The following CTNNA3 variants were observed in gnomAD, a reference collection of about 807,000 sequenced individuals.
CTNNA3 encodes the protein catenin alpha 3.
Under a neutral mutation model 95.7 loss-of-function variants are expected in CTNNA3, and 76 were observed. The ratio of observed to expected loss-of-function variants is 0.79; its 90% CI spans 0.66 to 0.96. The LOEUF (loss-of-function observed/expected upper bound fraction) is 0.96, where lower values mean the gene tolerates loss of function less well. Among genes scored for constraint, CTNNA3 ranks in the 40% least tolerant of loss-of-function variants. The pLI is 0.00. For synonymous variants in CTNNA3, 431 were observed against 374.4 expected (o/e 1.15, Z -1.74); for missense variants, 1,191 against 1,089.8 (o/e 1.09, Z -1.31).
At chr10:67,586,530 C>T (rs1406244932) in intron 3 of CTNNA3, among the ~76,000 whole-genome samples, 2 of 152,004 alleles carry the variant, frequency 1.3e-5, no homozygotes, top group Non-Finnish European at 2.9e-5. Flanking sequence ...CTATTCTCTT[C>T]CTGAATTGAT....
At chr10:66,270,003 A>G (rs2091242056) in intron 13 of CTNNA3, among the ~76,000 whole-genome samples, 1 of 152,164 alleles carries the variant, frequency 6.6e-6, no homozygotes, top group Non-Finnish European at 1.5e-5. Context: ...GAACTCTTAA[A>G]ACCATCTTAA....
At chr10:66,826,126 T>C (rs919303447) in intron 7 of CTNNA3, among the ~76,000 whole-genome samples, 1 of 152,220 alleles carries the variant, frequency 6.6e-6, no homozygotes, top group Non-Finnish European at 1.5e-5. Flanking sequence ...GTGTTCAGTA[T>C]GTTTCTTGAT....
rs1329412372 is a variant in CTNNA3 at position 65,982,662 on chromosome 10, G to A, written c.2265+6030C>T. On this transcript the variant is annotated intron_variant, in intron 16 of 17. Transcript: ENST00000433211. ...TATATATACATATATATATATAAATGTGGTATATATGTGTGTGTGTATGTA... is the reference window on the plus strand; with the variant it reads ...TATATATACATATATATATATAAATATGGTATATATGTGTGTGTGTATGTA... Among the ~76,000 whole-genome samples the A allele has an allele frequency of 2.7e-5, 4 of 149,842 alleles. No individual in the cohort carries two copies. The Admixed American group carries it at 2.7e-4, about 10-fold the overall frequency.
rs1415948140 is a variant in CTNNA3 at position 67,133,026 on chromosome 10, TAAC to T, written c.1047+47288_1047+47290del. ...GATAGCAGACTACAGTGACTATACTTAACAACAATATTATGTATATTTTAAAGT... is the reference window on the plus strand; with the variant it reads ...GATAGCAGACTACAGTGACTATACTTAACAATATTATGTATATTTTAAAGT... On this transcript the variant is annotated intron_variant, in intron 7 of 17. Transcript: ENST00000433211. Among the ~76,000 whole-genome samples, 6 of 151,784 alleles carry T rather than the reference TAAC, an allele frequency of 4.0e-5. No individual in the cohort carries two copies. In the Admixed American group the frequency reaches 4.0e-4, roughly 10 times the overall value.
intron 11 of CTNNA3, among the ~76,000 whole-genome samples, chr10:66,480,127 G>C (rs1839469247): frequency 6.6e-6 from 1 of 152,046 alleles, no homozygotes; most frequent in Non-Finnish European, 1.5e-5. Flanking sequence ...TTTCAAGACA[G>C]TTTTCATTTC....
intron 10 of CTNNA3, among the ~76,000 whole-genome samples, chr10:66,580,105 TTTCTC>T (rs141153010): frequency 0.065 from 9,806 of 151,720 alleles, 490 homozygotes; most frequent in East Asian, 0.23. Context: ...GACTGGTTCT[TTTCTC>T]TGTCTCCTCT....
chr10:67,380,963 C>T (rs948903631), intron 5 of CTNNA3, among the ~76,000 whole-genome samples: 11 of 152,176 alleles, frequency 7.2e-5, no homozygotes, highest in African/African-American at 2.7e-4. Flanking sequence ...TCAAGGGCTT[C>T]AGGTACCATA....
Position 66,235,038 on chromosome 10 carries a change from G to A in CTNNA3, c.1884+45432C>T, listed in dbSNP as rs113071201. 2.3e-3 allele frequency among the ~76,000 whole-genome samples: 350 copies of A among 152,290 alleles called. 2 individuals are homozygous for A. Among genetic ancestry groups the A allele is most frequent in the African/African-American group, 8.1e-3 (338 of 41,568 alleles). On this transcript the variant is annotated intron_variant, in intron 13 of 17. Coordinates refer to ENST00000433211, the MANE Select transcript of CTNNA3 (RefSeq NM_013266.4). ...AGAACTGAATTCTGTCAATGACCAC[G>A]TAAGCTTCGAAGCAGACCTTTCGCT...
At chr10:66,211,823 C>G (rs973033085) in intron 13 of CTNNA3, among the ~76,000 whole-genome samples, 7 of 152,112 alleles carry the variant, frequency 4.6e-5, no homozygotes, top group African/African-American at 1.7e-4. Flanking sequence ...ATCGGAGGGA[C>G]CCAACAGGCA....
At chr10:66,476,884 A>T (rs1402063506) in intron 11 of CTNNA3, among the ~76,000 whole-genome samples, 4 of 152,050 alleles carry the variant, frequency 2.6e-5, no homozygotes, top group Admixed American at 2.0e-4. Context: ...TTTGGTGTCA[A>T]ATTAGCAAGA....
At chr10:66,695,916 A>AG (rs34200783) in intron 9 of CTNNA3, among the ~76,000 whole-genome samples, 66,806 of 118,854 alleles carry the variant, frequency 0.56, 18,793 homozygotes, top group Middle Eastern at 0.69. Flanking sequence ...AAGAGACGTA[A>AG]GGGGGGGGGG....
intron 5 of CTNNA3, among the ~76,000 whole-genome samples, chr10:67,343,415 T>C (rs1842292699): frequency 6.6e-6 from 1 of 152,146 alleles, no homozygotes; most frequent in South Asian, 2.1e-4. Context: ...TTTTTTGGTG[T>C]CTTCTTCTAT....
chr10:66,592,538 T>C (rs1444613222), intron 10 of CTNNA3, among the ~76,000 whole-genome samples: 2 of 152,130 alleles, frequency 1.3e-5, no homozygotes, highest in African/African-American at 2.4e-5. Context: ...AGAATGTATA[T>C]GACAGATAGA....
chr10:67,321,674 C>G (rs1841324424), intron 5 of CTNNA3, among the ~76,000 whole-genome samples: 4 of 152,162 alleles, frequency 2.6e-5, no homozygotes, highest in Admixed American at 2.6e-4. Flanking sequence ...GCTGCCATAA[C>G]TTTAAATATC....
At chr10:66,088,830 T>G (rs1046847471) in intron 14 of CTNNA3, among the ~76,000 whole-genome samples, 5 of 152,098 alleles carry the variant, frequency 3.3e-5, no homozygotes, top group African/African-American at 9.7e-5. Flanking sequence ...GGACAACAAT[T>G]AACATACTTA....
At chr10:66,446,128 A>T (rs904950972) in intron 11 of CTNNA3, among the ~76,000 whole-genome samples, 1 of 152,214 alleles carries the variant, frequency 6.6e-6, no homozygotes, top group African/African-American at 2.4e-5. Context: ...AACCAGGAAA[A>T]AGTTGAATCT....
At chr10:66,808,918 G>A (rs1314178913) in intron 7 of CTNNA3, among the ~76,000 whole-genome samples, 1 of 152,146 alleles carries the variant, frequency 6.6e-6, no homozygotes. Context: ...ATCTTCAAGT[G>A]TATATTTAAA....
intron 15 of CTNNA3, among the ~76,000 whole-genome samples, chr10:66,068,647 C>T (rs1164442217): frequency 1.3e-5 from 2 of 152,058 alleles, no homozygotes; most frequent in Non-Finnish European, 2.9e-5. Context: ...TCAGTGTATC[C>T]TTCTGTACTG....
At chr10:67,119,274 A>T (rs1481293179) in intron 7 of CTNNA3, among the ~76,000 whole-genome samples, 1 of 151,970 alleles carries the variant, frequency 6.6e-6, no homozygotes, top group Non-Finnish European at 1.5e-5. Flanking sequence ...CATCTAGAGT[A>T]ATATACCATG....
Sources: allele counts gnomAD v4.1 joint callset (sites outside exome capture counted in the v4.1 genomes callset), GRCh38; gene constraint gnomAD v4.1.1; transcripts MANE v1.5; gene names NCBI Gene and HGNC (gene_info 2026-07-23, HGNC 2026-07-21).